The following FN1 variants were observed in gnomAD, a reference collection of about 807,000 sequenced individuals.
FN1 encodes the protein fibronectin 1, also known as fibronectin.
In FN1, 106 loss-of-function variants were observed where a neutral mutation model predicts 297.3. The ratio of observed to expected loss-of-function variants is 0.36; its 90% CI spans 0.30 to 0.42. The LOEUF (loss-of-function observed/expected upper bound fraction) is 0.42, where lower values mean the gene tolerates loss of function less well. Ranked by LOEUF, FN1 falls within the 10% of genes least tolerant of loss-of-function variation. The pLI is 1.00. For missense variants in FN1, 2,690 were observed against 3,124.9 expected (o/e 0.86, Z 3.32); for synonymous variants, 1,149 against 1,152.6 (o/e 1.00, Z 0.06).
rs1191000104 is a variant in FN1 at position 215,390,746 on chromosome 2, C to T, written c.4252+886G>A. On this transcript the variant is annotated intron_variant, in intron 26 of 45. Coordinates refer to ENST00000354785, the MANE Select transcript of FN1 (RefSeq NM_212482.4). ...GCCAATATAAAGATATTCTTGCCCT[C>T]AGCCACAAAGTAAGAAACCAAGATT... Among the ~76,000 whole-genome samples the T allele has an allele frequency of 2.0e-5, 3 of 152,188 alleles. No individual in the cohort carries two copies. The East Asian group carries it at 5.8e-4, about 29-fold the overall frequency.
intron 6 of FN1, among the ~76,000 whole-genome samples, chr2:215,427,181 T>C (rs1465009267): frequency 6.6e-6 from 1 of 152,230 alleles, no homozygotes; most frequent in Non-Finnish European, 1.5e-5. Flanking sequence ...GGCCGATGTT[T>C]ATAATTTTTT....
chr2:215,364,821 C>G, intron 44 of FN1, 58 bp downstream of exon 44: 1 of 1,168,130 alleles, frequency 8.6e-7, no homozygotes, highest in South Asian at 1.3e-5. Context: ...CACATCCTTG[C>G]AGGAGCCCAC....
intron 11 of FN1, 95 bp from the exon 12 acceptor site, chr2:215,419,480 A>C: frequency 1.9e-6 from 2 of 1,071,908 alleles, no homozygotes; most frequent in Non-Finnish European, 1.4e-6. Context: ...GCTTAAATAG[A>C]AATTTGCAAT....
At chr2:215,424,523 G>A (rs2064997204) in intron 7 of FN1, among the ~76,000 whole-genome samples, 198 bp from the exon 8 acceptor site, 2 of 145,312 alleles carry the variant, frequency 1.4e-5, no homozygotes, top group African/African-American at 5.2e-5. Flanking sequence ...AACGACACCT[G>A]AGTTCTTCTG....
intron 27 of FN1, 81 bp downstream of exon 27, chr2:215,388,131 T>G: frequency 9.8e-7 from 1 of 1,016,248 alleles, no homozygotes; most frequent in Non-Finnish European, 1.6e-6. Context: ...TGGAGATGTA[T>G]TTTTAGAAGT....
At chr2:215,417,518 ACT>A (rs1453498545) in intron 12 of FN1, among the ~76,000 whole-genome samples, 1 of 152,048 alleles carries the variant, frequency 6.6e-6, no homozygotes, top group Non-Finnish European at 1.5e-5. Flanking sequence ...AGTTTGAACA[ACT>A]CTACCAAGTT....
rs1559506068 is a variant in FN1 at position 215,408,546 on chromosome 2, A to G, written c.2300-120T>C. 4.4e-6 allele frequency: 4 copies of G among 911,890 alleles called. No homozygotes were observed. The East Asian group carries it at 8.0e-5, about 18-fold the overall frequency. The allele number at this position is 911,890 out of a possible 1,614,324, so 56.5% of individuals were successfully genotyped here. Reference sequence around the variant, plus strand: ...TCATAGGGAAAAGCGACTAGAAGGTAATGTGCTAATAGCTAATCAGTGATT... The same window carrying G: ...TCATAGGGAAAAGCGACTAGAAGGTGATGTGCTAATAGCTAATCAGTGATT... On this transcript the variant is annotated intron_variant, in intron 15 of 45. Transcript: ENST00000354785.
chr2:215,370,547 CAAAAAA>C, intron 40 of FN1, 115 bp from the exon 41 acceptor site: 1 of 295,922 alleles, frequency 3.4e-6, no homozygotes, highest in Non-Finnish European at 5.5e-6. Context: ...AGACAAAAAA[CAAAAAA>C]CAAAAAAAAA....
At position 215,397,824 on chromosome 2, in the gene FN1, C is replaced by T. The variant is rs780951370; in HGVS notation, c.3373G>A (p.Gly1125Arg). ...FKLGVRPSQG[G>R]EAPREVTSDS... is the part of the protein sequence containing the mutation. ...GAAGTCACTTCTCGTGGTGCCTCTCCTCCCTGGCTTGGTCGTACACCCAGC... is the reference window on the plus strand; with the variant it reads ...GAAGTCACTTCTCGTGGTGCCTCTCTTCCCTGGCTTGGTCGTACACCCAGC... Residue 1125 changes from glycine to arginine, a missense_variant, in exon 22 of 46, where the codon GGA becomes AGA. Physicochemically the swap from Gly to Arg is moderately radical, Grantham distance 125. This residue lies in a region of FN1 where 1,743 missense variants were observed against 1,945.2 expected (regional missense o/e 0.90). Coordinates refer to ENST00000354785, the MANE Select transcript of FN1 (RefSeq NM_212482.4). 2 of 1,614,152 alleles carry T rather than the reference C, an allele frequency of 1.2e-6. No individual in the cohort carries two copies. Among genetic ancestry groups the T allele is most frequent in the Non-Finnish European group, 1.7e-6 (2 of 1,180,002 alleles).
At chr2:215,362,144 G>T in intron 44 of FN1, 65 bp from the exon 45 acceptor site, 1 of 1,267,206 alleles carries the variant, frequency 7.9e-7, no homozygotes, top group Non-Finnish European at 1.1e-6. Flanking sequence ...GTAATTTAGT[G>T]TTTGAGTTAA....
At chr2:215,394,217 AGACACGT>A (rs1432936310) in intron 24 of FN1, among the ~76,000 whole-genome samples, 1 of 152,212 alleles carries the variant, frequency 6.6e-6, no homozygotes, top group Admixed American at 6.5e-5. Context: ...TACTGAGTAC[AGACACGT>A]GACAGTGTTT....
At chr2:215,408,488 G>C (rs2062099487) in intron 15 of FN1, 62 bp from the exon 16 acceptor site, 1 of 1,518,018 alleles carries the variant, frequency 6.6e-7, no homozygotes, top group Non-Finnish European at 9.1e-7. Flanking sequence ...TGACTCTACA[G>C]CTTATAAGAA....
intron 2 of FN1, 114 bp from the exon 3 acceptor site, chr2:215,433,575 C>T: frequency 2.0e-6 from 2 of 1,020,492 alleles, no homozygotes; most frequent in Non-Finnish European, 3.0e-6. Flanking sequence ...CATGGTACAC[C>T]TCAAAGAATA....
At chr2:215,423,751 C>CA (rs1328068226) in intron 8 of FN1, among the ~76,000 whole-genome samples, 4 of 151,688 alleles carry the variant, frequency 2.6e-5, no homozygotes, top group South Asian at 2.1e-4. Flanking sequence ...TCCCCAGCAC[C>CA]CCCCCCACAA....
rs559746501 is a variant in FN1 at position 215,397,627 on chromosome 2, G to A, written c.3517+53C>T. On this transcript the variant is annotated intron_variant, in intron 22 of 45. Coordinates refer to ENST00000354785, the MANE Select transcript of FN1 (RefSeq NM_212482.4). The stretch of plus-strand genomic sequence containing the variant: ...AGTGATATTGACACTAGCTTTTTTC[G>A]AAAAGTAGAACAGTTTTAAAAACTA... The A allele has an allele frequency of 2.6e-5, 40 of 1,535,476 alleles. No homozygotes were observed. The African/African-American group carries it at 4.2e-4, about 16-fold the overall frequency.
chr2:215,370,167 T>G, intron 41 of FN1, 127 bp downstream of exon 41: 1 of 909,638 alleles, frequency 1.1e-6, no homozygotes, highest in South Asian at 1.4e-5. Context: ...ATTTATTTCA[T>G]GTTGATGTGT....
intron 40 of FN1, 154 bp downstream of exon 40, chr2:215,371,755 C>T: frequency 1.5e-6 from 1 of 673,444 alleles, no homozygotes; most frequent in South Asian, 1.6e-5. Context: ...TCAAATGATC[C>T]ACCTGCCTCG....
intron 12 of FN1, among the ~76,000 whole-genome samples, chr2:215,418,170 A>G (rs138148196): frequency 6.6e-6 from 1 of 152,338 alleles, no homozygotes; most frequent in Admixed American, 6.5e-5. Context: ...AAGTGAAGTC[A>G]CCTTCCCCAG....
Position 215,425,283 on chromosome 2 carries a change from A to G in FN1, c.847T>C (p.Ser283Pro). The stretch of plus-strand genomic sequence containing the variant: ...GCACGAACATCGGTGAAGGGGCCAG[A>G]TCCTAATGGCATGAAAAGGGAATGT... Reference protein sequence around the residue: ...HTSVQTTSSGSGPFTDVRAAV... With the variant: ...HTSVQTTSSGPGPFTDVRAAV... The change falls in exon 7 of 46, where the codon TCT becomes CCT. Residue 283 changes from serine to proline, a missense_variant and splice_region_variant. Ser to Pro is a moderately conservative substitution (Grantham distance 74). Around this residue, in one of 3 missense-constraint regions of FN1, gnomAD observed 876 missense variants for 1,058.1 expected, o/e 0.83. Coordinates refer to ENST00000354785, the MANE Select transcript of FN1 (RefSeq NM_212482.4). 6.2e-7 allele frequency: 1 copy of G among 1,614,024 alleles called. No individual in the cohort carries two copies. The highest frequency in any genetic ancestry group is 8.5e-7 in the Non-Finnish European group (1 of 1,180,000).
Sources: gnomAD v4.1 joint callset for allele counts (sites outside exome capture counted in the v4.1 genomes callset) on GRCh38, gnomAD v4.1.1 for gene constraint, gnomAD v4.1.1 regional missense constraint, MANE v1.5 for transcripts, NCBI Gene and HGNC (gene_info 2026-07-23, HGNC 2026-07-21) for gene names.